The following TTC7A variants were observed in gnomAD, a reference collection of about 807,000 sequenced individuals.
TTC7A encodes the protein tetratricopeptide repeat domain 7A, also known as tetratricopeptide repeat protein 7A.
TTC7A carries 110 observed loss-of-function variants against 103.7 expected under a neutral mutation model. The ratio of observed to expected loss-of-function variants is 1.06; its 90% CI spans 0.91 to 1.24. The LOEUF is 1.24. TTC7A is among the 50% of genes most tolerant of loss of function. The pLI is 0.00. For missense variants in TTC7A, 1,340 were observed against 1,116.3 expected (o/e 1.20, Z -2.86); for synonymous variants, 521 against 467.9 (o/e 1.11, Z -1.47).
chr2:47,060,797 CAAGG>C lies in TTC7A; in HGVS notation c.2185_2188del (p.Glu729GlnfsTer28). 6.2e-7 allele frequency: 1 copy of C among 1,612,306 alleles called. No homozygotes were observed. The highest frequency in any genetic ancestry group is 1.1e-5 in the South Asian group (1 of 90,966). On this transcript the variant is annotated frameshift_variant, in exon 19 of 20. Coordinates refer to ENST00000319190, the MANE Select transcript of TTC7A (RefSeq NM_020458.4). LOFTEE classifies it high-confidence loss of function. ...AGCTGTTCATGGAGCAGCAGCACCT[CAAGG>C]AAGCAGGTTTCTGCATCCAGGAGGC...
chr2:47,019,369 AT>A (rs201520940), intron 11 of TTC7A, among the ~76,000 whole-genome samples: 1 of 150,808 alleles, frequency 6.6e-6, no homozygotes, highest in African/African-American at 2.4e-5. Context: ...ACCATTTTCT[AT>A]TTTTAAAAAA....
intron 11 of TTC7A, among the ~76,000 whole-genome samples, chr2:47,016,950 GC>G (rs1678722187): frequency 6.6e-6 from 1 of 152,094 alleles, no homozygotes; most frequent in Admixed American, 6.6e-5. Context: ...TGTAATCCCA[GC>G]ACCTTGGGAG....
intron 3 of TTC7A, among the ~76,000 whole-genome samples, chr2:46,969,287 A>G (rs1673143542): frequency 6.6e-6 from 1 of 151,794 alleles, no homozygotes; most frequent in Non-Finnish European, 1.5e-5. Flanking sequence ...GTGGATCACG[A>G]GGTCAGGAGA....
chr2:46,997,515 A>G lies in TTC7A; in HGVS notation c.1065+2316A>G, dbSNP rs1157467574. Among the ~76,000 whole-genome samples the G allele has an allele frequency of 2.0e-5, 3 of 152,188 alleles. No homozygotes were observed. The South Asian group carries it at 6.2e-4, about 32-fold the overall frequency. On this transcript the variant is annotated intron_variant, in intron 8 of 19. Coordinates refer to ENST00000319190, the MANE Select transcript of TTC7A (RefSeq NM_020458.4). ...GTCTAATACTGTATGTTCCCATCTTACAGATGACAAAAGTGAGGTCCAGGA... is the reference window on the plus strand; with the variant it reads ...GTCTAATACTGTATGTTCCCATCTTGCAGATGACAAAAGTGAGGTCCAGGA...
At chr2:46,973,163 A>G (rs868196605) in intron 3 of TTC7A, among the ~76,000 whole-genome samples, 3 of 152,182 alleles carry the variant, frequency 2.0e-5, no homozygotes, top group Non-Finnish European at 4.4e-5. Flanking sequence ...TTCCCTCTTT[A>G]AATCCAAGGC....
intron 15 of TTC7A, among the ~76,000 whole-genome samples, chr2:47,043,209 GGAGTT>G (rs1386307575): frequency 3.3e-5 from 5 of 152,226 alleles, no homozygotes; most frequent in Non-Finnish European, 7.3e-5. Context: ...CTGAGGGAGT[GGAGTT>G]GTTTGCTGAT....
At chr2:47,065,358 A>C (rs1269315607) in intron 19 of TTC7A, among the ~76,000 whole-genome samples, 1 of 152,256 alleles carries the variant, frequency 6.6e-6, no homozygotes, top group Non-Finnish European at 1.5e-5. Context: ...ATACAATTTA[A>C]AAGAAGCAAT....
chr2:46,955,525 G>A (rs1439017514), intron 2 of TTC7A, among the ~76,000 whole-genome samples: 2 of 152,190 alleles, frequency 1.3e-5, no homozygotes, highest in Admixed American at 6.5e-5. Context: ...AGGAGAAGGT[G>A]GGCCTGAGCA....
intron 3 of TTC7A, among the ~76,000 whole-genome samples, chr2:46,967,436 A>G (rs936297206): frequency 6.6e-6 from 1 of 152,144 alleles, no homozygotes; most frequent in Non-Finnish European, 1.5e-5. Context: ...AACCCCTGGC[A>G]ACCACTCTTC....
At chr2:46,943,783 C>A (rs1411664347) in intron 1 of TTC7A, among the ~76,000 whole-genome samples, 3 of 152,182 alleles carry the variant, frequency 2.0e-5, no homozygotes, top group Non-Finnish European at 2.9e-5. Flanking sequence ...AGTCAGTGAT[C>A]TGAAGCTTCC....
chr2:47,011,866 T>A (rs1327348755), intron 11 of TTC7A, among the ~76,000 whole-genome samples: 5 of 152,256 alleles, frequency 3.3e-5, no homozygotes, highest in Non-Finnish European at 7.3e-5. Flanking sequence ...GAAGTTGGTC[T>A]TTTCTGTCAG....
intron 5 of TTC7A, among the ~76,000 whole-genome samples, chr2:46,984,668 C>G (rs1420467277): frequency 6.6e-6 from 1 of 152,078 alleles, no homozygotes; most frequent in Non-Finnish European, 1.5e-5. Context: ...AGACCAGTGG[C>G]AGTCATGCTT....
chr2:46,972,209 G>A (rs78931335), intron 3 of TTC7A, among the ~76,000 whole-genome samples: 2 of 150,674 alleles, frequency 1.3e-5, no homozygotes, highest in Admixed American at 6.6e-5. Context: ...AAAAAAAAAA[G>A]TAACCTGACG....
chr2:47,012,183 G>A (rs562375586), intron 11 of TTC7A, among the ~76,000 whole-genome samples: 1 of 152,326 alleles, frequency 6.6e-6, no homozygotes, highest in Admixed American at 6.5e-5. Context: ...CTTGGGCCAC[G>A]GCACTGGGCC....
chr2:46,955,511 T>C (rs1290464054), intron 2 of TTC7A, among the ~76,000 whole-genome samples: 1 of 152,090 alleles, frequency 6.6e-6, no homozygotes, highest in Non-Finnish European at 1.5e-5. Context: ...TCAAGGAGGC[T>C]TTCAGGAGAA....
chr2:46,983,197 C>G (rs760427391), intron 5 of TTC7A, among the ~76,000 whole-genome samples: 1 of 152,080 alleles, frequency 6.6e-6, no homozygotes, highest in Non-Finnish European at 1.5e-5. Flanking sequence ...CTGGGAGACC[C>G]GAGGCAGTTC....
intron 5 of TTC7A, among the ~76,000 whole-genome samples, chr2:46,992,715 TTAG>T (rs1425727928): frequency 2.0e-5 from 3 of 152,136 alleles, no homozygotes; most frequent in Non-Finnish European, 2.9e-5. Context: ...CCACAGCCTG[TTAG>T]TGGGAATGCA....
At chr2:47,047,429 C>A in intron 16 of TTC7A, 4 of 797,448 alleles carry the variant, frequency 5.0e-6, no homozygotes, top group South Asian at 1.7e-5. Flanking sequence ...TGGGCGGAAG[C>A]TGCCAGAAGG....
At chr2:46,987,858 T>C (rs1357068602) in intron 5 of TTC7A, among the ~76,000 whole-genome samples, 1 of 146,184 alleles carries the variant, frequency 6.8e-6, no homozygotes, top group Non-Finnish European at 1.5e-5. Flanking sequence ...GTGTGTCACC[T>C]TTCCAGCTGG....
Sources: gnomAD v4.1 joint callset for allele counts (sites outside exome capture counted in the v4.1 genomes callset) on GRCh38, gnomAD v4.1.1 for gene constraint, MANE v1.5 for transcripts, NCBI Gene and HGNC (gene_info 2026-07-23, HGNC 2026-07-21) for gene names.